The following CCT4 variants were observed in gnomAD, a reference collection of about 807,000 sequenced individuals.
CCT4 encodes the protein T-complex protein 1 subunit delta.
Under a neutral mutation model 62.5 loss-of-function variants are expected in CCT4, and 17 were observed. That is an observed-to-expected ratio of 0.27 (90% confidence interval 0.19 to 0.41). CCT4 has a LOEUF of 0.41. CCT4 is among the 10% of genes least tolerant of loss of function. The probability of loss-of-function intolerance (pLI) is 1.00; values close to 1 mark genes in which losing one functional copy is unlikely to be tolerated. For missense variants in CCT4, 592 were observed against 659.2 expected (o/e 0.90, Z 1.12); for synonymous variants, 250 against 229.9 (o/e 1.09, Z -0.79).
At chr2:61,887,365 C>G (rs769623977) in intron 1 of CCT4, among the ~76,000 whole-genome samples, 4 of 151,964 alleles carry the variant, frequency 2.6e-5, no homozygotes, top group Non-Finnish European at 4.4e-5. Context: ...CTCACTGAAT[C>G]CTCACAGCAA....
chr2:61,882,532 T>C (rs895503220), intron 3 of CCT4, among the ~76,000 whole-genome samples: 39 of 152,088 alleles, frequency 2.6e-4, no homozygotes, highest in African/African-American at 8.9e-4. Context: ...TTTTTTTTTT[T>C]TGAGACAGGG....
intron 3 of CCT4, 72 bp from the exon 4 acceptor site, chr2:61,880,466 C>G: frequency 1.3e-6 from 1 of 783,796 alleles, no homozygotes; most frequent in South Asian, 1.5e-5. Flanking sequence ...TTCAAATAAT[C>G]GCACCAGTGT....
intron 2 of CCT4, 38 bp downstream of exon 2, chr2:61,884,982 G>A: frequency 2.0e-6 from 3 of 1,500,972 alleles, no homozygotes; most frequent in Non-Finnish European, 2.7e-6. Context: ...GTGAACAGCA[G>A]TGCTCAATTA....
At position 61,869,518 on chromosome 2, in the gene CCT4, G is replaced by C; in HGVS notation, c.1527C>G (p.Val509=). 1 of 1,611,574 alleles carries C rather than the reference G, an allele frequency of 6.2e-7. No individual in the cohort carries two copies. The highest frequency in any genetic ancestry group is 1.1e-5 in the South Asian group (1 of 91,014). ...CACTGACTGATACCAACAGAGGCTGGACAACCAGTTCCTCCAAAATGTTGG... is the reference window on the plus strand; with the variant it reads ...CACTGACTGATACCAACAGAGGCTGCACAACCAGTTCCTCCAAAATGTTGG... ...GISNILEELV[V]QPLLVSVSAL... Residue 509 remains valine, a synonymous_variant, in exon 13 of 14, where the codon GTC becomes GTG. Coordinates refer to ENST00000394440, the MANE Select transcript of CCT4 (RefSeq NM_006430.4).
rs1668822139 is a variant in CCT4, at chr2:61,868,598, G to C, written c.*94C>G. On this transcript the variant is annotated 3_prime_UTR_variant, in exon 14 of 14. Transcript: ENST00000394440. The stretch of plus-strand genomic sequence containing the variant: ...GGAAGACCAAGCCCAGAAATTCAGA[G>C]GAAATAATCTTCCAAACAAGGAACA... 1.1e-6 allele frequency: 1 copy of C among 944,964 alleles called. No homozygotes were observed. The highest frequency in any genetic ancestry group is 1.4e-5 in the South Asian group (1 of 69,766). 58.5% of individuals were successfully genotyped at this position (944,964 alleles called of 1,614,324 possible).
At chr2:61,884,894 G>T in intron 2 of CCT4, 126 bp downstream of exon 2, 2 of 742,946 alleles carry the variant, frequency 2.7e-6, no homozygotes, top group East Asian at 6.1e-5. Flanking sequence ...CCAAAGTGCT[G>T]GGATTATAGG....
Position 61,888,639 on chromosome 2 carries a change from G to A in CCT4, c.-132C>T. On this transcript the variant is annotated 5_prime_UTR_variant, in exon 1 of 14. Coordinates refer to ENST00000394440, the MANE Select transcript of CCT4 (RefSeq NM_006430.4). ...CAGAAAGCGGCGCCGGCGTCGGGAG[G>A]AGGCGGAGGCGGAGAAGGGGGCCTT... 1 of 1,074,018 alleles carries A rather than the reference G, an allele frequency of 9.3e-7. No individual in the cohort carries two copies. Among genetic ancestry groups the A allele is most frequent in the South Asian group, 1.7e-5 (1 of 59,858 alleles). The allele number at this position is 1,074,018 out of a possible 1,614,324, so 66.5% of individuals were successfully genotyped here.
chr2:61,868,689 A>T lies in CCT4; in HGVS notation c.*3T>A. On this transcript the variant is annotated 3_prime_UTR_variant, in exon 14 of 14. Coordinates refer to ENST00000394440, the MANE Select transcript of CCT4 (RefSeq NM_006430.4). ...TCATAATGGTGCTAGTCAGTTATCC[A>T]GATTATCGAGTGTTTACCTGATAAG... is the stretch of plus-strand genomic sequence containing the variant. 6.3e-7 allele frequency: 1 copy of T among 1,591,404 alleles called. No individual in the cohort carries two copies. The highest frequency in any genetic ancestry group is 8.6e-7 in the Non-Finnish European group (1 of 1,159,382).
intron 10 of CCT4, 149 bp downstream of exon 10, chr2:61,872,853 G>C (rs1668913142): frequency 1.5e-6 from 1 of 678,146 alleles, no homozygotes; most frequent in African/African-American, 1.8e-5. Flanking sequence ...CATGAACCCG[G>C]GAGGCGGAGC....
intron 12 of CCT4, among the ~76,000 whole-genome samples, chr2:61,871,600 G>A (rs758996877): frequency 6.6e-6 from 1 of 152,132 alleles, no homozygotes; most frequent in Non-Finnish European, 1.5e-5. Flanking sequence ...CCCATCATGT[G>A]TTTAATTTGT....
intron 8 of CCT4, among the ~76,000 whole-genome samples, chr2:61,873,911 G>C (rs768533634): frequency 1.3e-5 from 2 of 151,900 alleles, no homozygotes; most frequent in African/African-American, 4.8e-5. Context: ...ATGTTGCCCA[G>C]GCCGGTCTTG....
Position 61,873,179 on chromosome 2 carries a change from C to A in CCT4, c.1014+18G>T, listed in dbSNP as rs571816651. On this transcript the variant is annotated intron_variant, in intron 9 of 13. Transcript: ENST00000394440. ...AATTATCAGACATTTTCCACAAATA[C>A]AGATGTTAATGTTTTACCTTACAAA... 2.8e-6 allele frequency: 4 copies of A among 1,428,056 alleles called. No homozygotes were observed. In the Admixed American group the frequency reaches 6.7e-5, roughly 24 times the overall value. 88.5% of individuals were successfully genotyped at this position (1,428,056 alleles called of 1,614,324 possible). A position where few individuals can be genotyped will look rare whatever the true frequency, so the allele number is the denominator to read the frequency against.
chr2:61,886,427 CA>C (rs1240122770), intron 1 of CCT4, among the ~76,000 whole-genome samples: 4 of 152,072 alleles, frequency 2.6e-5, no homozygotes, highest in Admixed American at 2.0e-4. Flanking sequence ...ACAAACAAAC[CA>C]AACCTAACAA....
Position 61,873,013 on chromosome 2 carries a change from T to C in CCT4, c.1114A>G (p.Lys372Glu), listed in dbSNP as rs1305174748. Reference protein sequence around the residue: ...AEEVNLNGSGKLLKITGCASP... With the variant: ...AEEVNLNGSGELLKITGCASP... ...TGTAATACTGTTACCTTGAGCAGTT[T>C]GCCAGAACCATTTAAATTGACCTCC... is the stretch of plus-strand genomic sequence containing the variant. The change falls in exon 10 of 14, where the codon AAA becomes GAA. Residue 372 changes from lysine to glutamate, a missense_variant. Around this residue, in one of 3 missense-constraint regions of CCT4, gnomAD observed 522 missense variants for 571.2 expected, o/e 0.91. Coordinates refer to ENST00000394440, the MANE Select transcript of CCT4 (RefSeq NM_006430.4). The C allele has an allele frequency of 6.3e-7, 1 of 1,593,472 alleles. No individual in the cohort carries two copies. Among genetic ancestry groups the C allele is most frequent in the Non-Finnish European group, 8.6e-7 (1 of 1,161,200 alleles).
intron 12 of CCT4, among the ~76,000 whole-genome samples, chr2:61,870,218 T>C (rs552918897): frequency 6.6e-6 from 1 of 151,950 alleles, no homozygotes; most frequent in African/African-American, 2.4e-5. Flanking sequence ...CGGAGTGCAG[T>C]GAGCCAAGAT....
chr2:61,868,535 T>C lies in CCT4; in HGVS notation c.*157A>G. ...TGAAACCAAATATTTAATATTTTCA[T>C]TAAATTGTTTCAATACAACTTCAGG... is the stretch of plus-strand genomic sequence containing the variant. On this transcript the variant is annotated 3_prime_UTR_variant, in exon 14 of 14. Transcript: ENST00000394440. The C allele has an allele frequency of 1.9e-6, 1 of 528,074 alleles. No individual in the cohort carries two copies. Among genetic ancestry groups the C allele is most frequent in the Non-Finnish European group, 3.4e-6 (1 of 293,890 alleles). 32.7% of individuals were successfully genotyped at this position (528,074 alleles called of 1,614,324 possible). A position where few individuals can be genotyped will look rare whatever the true frequency, so the allele number is the denominator to read the frequency against.
At chr2:61,887,501 A>G (rs1423747720) in intron 1 of CCT4, among the ~76,000 whole-genome samples, 1 of 152,188 alleles carries the variant, frequency 6.6e-6, no homozygotes, top group East Asian at 1.9e-4. Flanking sequence ...TTCTGTAAAC[A>G]TACTACTATT....
chr2:61,872,052 T>C lies in CCT4; in HGVS notation c.1491+30A>G, dbSNP rs375740937. The C allele has an allele frequency of 3.5e-6, 5 of 1,421,380 alleles. No individual in the cohort carries two copies. The African/African-American group carries it at 5.7e-5, about 16-fold the overall frequency. 88.0% of individuals were successfully genotyped at this position (1,421,380 alleles called of 1,614,324 possible). On this transcript the variant is annotated intron_variant, in intron 12 of 13. Coordinates refer to ENST00000394440, the MANE Select transcript of CCT4 (RefSeq NM_006430.4). ...GCTTTTAATATTTTAAATTAATCAA[T>C]ATTTTCTACATTAGAGATTAAATGA... is the stretch of plus-strand genomic sequence containing the variant.
At chr2:61,881,087 C>T (rs1300561224) in intron 3 of CCT4, among the ~76,000 whole-genome samples, 1 of 152,030 alleles carries the variant, frequency 6.6e-6, no homozygotes, top group Non-Finnish European at 1.5e-5. Context: ...GTAAGTATAA[C>T]CTGATTCATT....
Sources: gnomAD v4.1 joint callset for allele counts (sites outside exome capture counted in the v4.1 genomes callset) on GRCh38, gnomAD v4.1.1 for gene constraint, gnomAD v4.1.1 regional missense constraint, MANE v1.5 for transcripts, NCBI Gene and HGNC (gene_info 2026-07-23, HGNC 2026-07-21) for gene names.